Variants in PHC2 observed in about 807,000 individuals in gnomAD.
The protein encoded by PHC2 is polyhomeotic homolog 2, also known as polyhomeotic-like protein 2.
A neutral mutation model predicts 87.4 loss-of-function variants in PHC2; 29 were observed. That is an observed-to-expected ratio of 0.33 (90% confidence interval 0.25 to 0.45). The LOEUF (loss-of-function observed/expected upper bound fraction) is 0.45, where lower values mean the gene tolerates loss of function less well. PHC2 is among the 20% of genes least tolerant of loss of function. PHC2 has a pLI of 1.00. For missense variants in PHC2, 857 were observed against 1,136.7 expected (o/e 0.75, Z 3.54); for synonymous variants, 438 against 461.7 (o/e 0.95, Z 0.66).
chr1:33,422,734 TATTCTA>T (rs977850874), intron 1 of PHC2, among the ~76,000 whole-genome samples: 1 of 152,200 alleles, frequency 6.6e-6, no homozygotes, highest in African/African-American at 2.4e-5. Flanking sequence ...TCTGCCCTCT[TATTCTA>T]ATTCTCATTT....
chr1:33,362,658 C>T (rs6680310), intron 7 of PHC2, among the ~76,000 whole-genome samples: 1 of 152,092 alleles, frequency 6.6e-6, no homozygotes, highest in Non-Finnish European at 1.5e-5. Context: ...AGGAGGGTCC[C>T]GCTTACACAC....
intron 1 of PHC2, among the ~76,000 whole-genome samples, chr1:33,430,152 G>A (rs1570520088): frequency 6.6e-6 from 1 of 152,100 alleles, no homozygotes; most frequent in Admixed American, 6.5e-5. Context: ...TTTAAACCTC[G>A]CCTTATAAGA....
chr1:33,423,821 C>T (rs74944084), intron 1 of PHC2, among the ~76,000 whole-genome samples: 2,726 of 151,990 alleles, frequency 0.018, 75 homozygotes, highest in African/African-American at 0.062. Flanking sequence ...TGAATAAGGC[C>T]GGGCACATGA....
At chr1:33,405,072 T>TA (rs1292821019) in intron 1 of PHC2, among the ~76,000 whole-genome samples, 1 of 152,192 alleles carries the variant, frequency 6.6e-6, no homozygotes, top group African/African-American at 2.4e-5. Flanking sequence ...TTTAAAAAAG[T>TA]ATTCTTTATA....
At chr1:33,423,539 C>G (rs1650541161) in intron 1 of PHC2, among the ~76,000 whole-genome samples, 1 of 152,022 alleles carries the variant, frequency 6.6e-6, no homozygotes, top group Admixed American at 6.5e-5. Context: ...GCTTTATGGA[C>G]CAATGAATTA....
Position 33,324,052 on chromosome 1 carries a change from G to C in PHC2, c.*813C>G, listed in dbSNP as rs1171786747. ...TCTTTGTGAACCAGGAGGGCGGTCA[G>C]GGGAACTTCACAGTGCGGGGAGGGG... On this transcript the variant is annotated 3_prime_UTR_variant, in exon 15 of 15. Transcript: ENST00000683057. 1 of 152,492 alleles carries C rather than the reference G, an allele frequency of 6.6e-6. No individual in the cohort carries two copies. The highest frequency in any genetic ancestry group is 1.5e-5 in the Non-Finnish European group (1 of 68,190). 9.4% of individuals were successfully genotyped at this position (152,492 alleles called of 1,614,324 possible). A position where few individuals can be genotyped will look rare whatever the true frequency, so the allele number is the denominator to read the frequency against.
intron 13 of PHC2, 95 bp downstream of exon 13, chr1:33,329,968 TGCGCTGAA>T: frequency 3.2e-6 from 4 of 1,258,220 alleles, no homozygotes; most frequent in Non-Finnish European, 4.5e-6. Context: ...CACAGCAGAG[TGCGCTGAA>T]GTCGGCAGCT....
rs1646933373 is a variant in PHC2 at position 33,349,940 on chromosome 1, G to A, written c.1558+4461C>T. On this transcript the variant is annotated intron_variant, in intron 9 of 14. Coordinates refer to ENST00000683057, the MANE Select transcript of PHC2 (RefSeq NM_001385109.1). This position sits in a 1 kb window ranked among gnomAD's most constrained non-coding sequence, Gnocchi z 4.2. Reference sequence around the variant, plus strand: ...GCTCCCGCGGCCGCCTCCGCCGGGGGCGGGGCGAGGGAGCGGGGCGGGGAG... The same window carrying A: ...GCTCCCGCGGCCGCCTCCGCCGGGGACGGGGCGAGGGAGCGGGGCGGGGAG... 7.7e-6 allele frequency: 6 copies of A among 776,682 alleles called. No individual in the cohort carries two copies. The highest frequency in any genetic ancestry group is 9.4e-6 in the Non-Finnish European group (6 of 641,476). 48.1% of individuals were successfully genotyped at this position (776,682 alleles called of 1,614,324 possible). A position where few individuals can be genotyped will look rare whatever the true frequency, so the allele number is the denominator to read the frequency against.
intron 1 of PHC2, among the ~76,000 whole-genome samples, chr1:33,409,514 C>T (rs1649901256): frequency 6.6e-6 from 1 of 152,118 alleles, no homozygotes; most frequent in South Asian, 2.1e-4. Flanking sequence ...CTTGACTATG[C>T]TTATTCCTCT....
intron 9 of PHC2, chr1:33,335,390 A>G: frequency 2.1e-6 from 2 of 967,464 alleles, no homozygotes; most frequent in Non-Finnish European, 2.5e-6. Flanking sequence ...CCATTTCTTT[A>G]TTGCAACAAG....
chr1:33,422,256 T>A (rs1479219723), intron 1 of PHC2, among the ~76,000 whole-genome samples: 1 of 143,336 alleles, frequency 7.0e-6, no homozygotes, highest in East Asian at 2.0e-4. Flanking sequence ...CCATAATTAA[T>A]GTTTCCATGT....
intron 1 of PHC2, among the ~76,000 whole-genome samples, chr1:33,428,157 A>T (rs1276502728): frequency 6.6e-6 from 1 of 152,244 alleles, no homozygotes. Context: ...AGTCAAAGTC[A>T]TGTAGCAAGT....
At position 33,364,655 on chromosome 1, in the gene PHC2, G is replaced by C. The variant is rs1302330287; in HGVS notation, c.976+2461C>G. ...TCCCCAGCTGCCTTCCATATGGGAG[G>C]TGGGAGTGGGGCAGCGCCATCTCTG... On this transcript the variant is annotated intron_variant, in intron 7 of 14. Coordinates refer to ENST00000683057, the MANE Select transcript of PHC2 (RefSeq NM_001385109.1). The surrounding 1 kb of genome is among the most constrained non-coding windows in gnomAD (Gnocchi z 4.1). Among the ~76,000 whole-genome samples the C allele has an allele frequency of 6.6e-6, 1 of 152,224 alleles. No homozygotes were observed. The highest frequency in any genetic ancestry group is 1.5e-5 in the Non-Finnish European group (1 of 68,042).
chr1:33,380,988 G>A (rs1648463641), intron 1 of PHC2, among the ~76,000 whole-genome samples: 1 of 152,118 alleles, frequency 6.6e-6, no homozygotes, highest in Non-Finnish European at 1.5e-5. Flanking sequence ...TTTCACTCAC[G>A]CTATTCCCCT....
intron 1 of PHC2, among the ~76,000 whole-genome samples, chr1:33,419,648 T>C (rs4653132): frequency 0.69 from 105,010 of 151,960 alleles, 36,685 homozygotes; most frequent in East Asian, 0.78. Context: ...CTCGCTCTGT[T>C]GCCCAGGCTG....
rs1570433768 is a variant in PHC2, at chr1:33,324,777, C to T, written c.*88G>A. 2.1e-6 allele frequency: 3 copies of T among 1,436,218 alleles called. No homozygotes were observed. The highest frequency in any genetic ancestry group is 2.8e-6 in the Non-Finnish European group (3 of 1,070,902). The allele number at this position is 1,436,218 out of a possible 1,614,324, so 89.0% of individuals were successfully genotyped here. A position where few individuals can be genotyped will look rare whatever the true frequency, so the allele number is the denominator to read the frequency against. ...GGAGAGCCCCTGCCCTCCAACCGGC[C>T]CCATTTCTGGGCCCCTCAGGAATGT... On this transcript the variant is annotated 3_prime_UTR_variant, in exon 15 of 15. Transcript: ENST00000683057.
In PHC2 at chr1:33,402,727, A is replaced by AG. The variant is rs933850460; in HGVS notation, c.-54-27135dup. Among the ~76,000 whole-genome samples the AG allele has an allele frequency of 4.8e-4, 73 of 152,274 alleles. 4 individuals are homozygous for AG. Among genetic ancestry groups the AG allele is most frequent in the Non-Finnish European group, 5.9e-5 (4 of 68,050 alleles). ...ATACAGTATAATTCCATTTATACAG[A>AG]GTTCAAAACCAGTTAAAACTAAAAA... On this transcript the variant is annotated intron_variant, in intron 1 of 14. Coordinates refer to ENST00000683057, the MANE Select transcript of PHC2 (RefSeq NM_001385109.1).
rs370564205 is a variant in PHC2, at chr1:33,383,515, G to T, written c.-54-7922C>A. On this transcript the variant is annotated intron_variant, in intron 1 of 14. Transcript: ENST00000683057. ...TTTCTTCCTAATTTATAAAAGGCAG[G>T]TTATATCAAGTATTTCTATAACAAG... Among the ~76,000 whole-genome samples, 68 of 152,300 alleles carry T rather than the reference G, an allele frequency of 4.5e-4. 3 individuals carry two copies. The highest frequency in any genetic ancestry group is 1.4e-3 in the Admixed American group (22 of 15,296).
intron 9 of PHC2, among the ~76,000 whole-genome samples, chr1:33,342,413 A>G (rs1388737084): frequency 6.6e-6 from 1 of 152,170 alleles, no homozygotes; most frequent in Non-Finnish European, 1.5e-5. Context: ...ACTCACCCAC[A>G]ATCCCCAGCT....
Sources: gnomAD v4.1 joint callset for allele counts (sites outside exome capture counted in the v4.1 genomes callset) on GRCh38, gnomAD v4.1.1 for gene constraint, Gnocchi (gnomAD v3.1) non-coding constraint, MANE v1.5 for transcripts, NCBI Gene and HGNC (gene_info 2026-07-23, HGNC 2026-07-21) for gene names.